Variants in HPD observed in about 807,000 individuals in gnomAD.
HPD encodes 4-hydroxyphenylpyruvic acid oxidase.
HPD carries 35 observed loss-of-function variants against 56.9 expected under a neutral mutation model. The ratio of observed to expected loss-of-function variants is 0.62; its 90% CI spans 0.47 to 0.82. The LOEUF (loss-of-function observed/expected upper bound fraction) is 0.82. Ranked by LOEUF, HPD falls within the 40% of genes least tolerant of loss-of-function variation. HPD has a pLI of 0.00. For synonymous variants in HPD, 186 were observed against 200.2 expected (o/e 0.93, Z 0.60); for missense variants, 442 against 506.8 (o/e 0.87, Z 1.23).
intron 11 of HPD, 33 bp from the exon 12 acceptor site, chr12:121,843,865 G>T (rs1263142280): frequency 6.2e-7 from 1 of 1,613,818 alleles, no homozygotes; most frequent in East Asian, 2.2e-5. Flanking sequence ...TCAGCCTTCG[G>T]CCTCCAAGTT....
chr12:121,882,760 G>A, the HPD span, among the ~76,000 whole-genome samples: 1 of 152,000 alleles, frequency 6.6e-6, no homozygotes, highest in African/African-American at 2.4e-5. Flanking sequence ...TTTTGTTTTT[G>A]AGAGGGAGTC....
At chr12:121,883,682 CT>C in the HPD span, among the ~76,000 whole-genome samples, 253 of 138,682 alleles carry the variant, frequency 1.8e-3, no homozygotes, top group Admixed American at 2.0e-3. Context: ...TTCCTTCTTT[CT>C]TTTTTTTTTT....
the HPD span, among the ~76,000 whole-genome samples, chr12:121,871,511 C>T: frequency 6.6e-6 from 1 of 152,214 alleles, no homozygotes; most frequent in Non-Finnish European, 1.5e-5. Context: ...CCTCCCCTGC[C>T]AGGCCCCACA....
chr12:121,877,523 G>C, the HPD span, among the ~76,000 whole-genome samples: 1 of 152,068 alleles, frequency 6.6e-6, no homozygotes, highest in African/African-American at 2.4e-5. Flanking sequence ...CTTGAGGCCA[G>C]GAGTTCGAGA....
At chr12:121,852,781 C>T (rs1332192662) in intron 7 of HPD, among the ~76,000 whole-genome samples, 1 of 151,754 alleles carries the variant, frequency 6.6e-6, no homozygotes, top group African/African-American at 2.4e-5. Context: ...ACTACAGGTG[C>T]ACACCACCAT....
chr12:121,849,634 T>C (rs968280021), intron 8 of HPD, 53 bp downstream of exon 8: 1 of 1,208,368 alleles, frequency 8.3e-7, no homozygotes. Context: ...GGGGCATTAC[T>C]TTTCACAGTC....
At chr12:121,876,535 C>T in the HPD span, among the ~76,000 whole-genome samples, 4 of 152,128 alleles carry the variant, frequency 2.6e-5, no homozygotes, top group African/African-American at 4.8e-5. Flanking sequence ...ATTACCATCA[C>T]GTCAGTAGCT....
chr12:121,857,118 C>G (rs959083444), intron 4 of HPD: 3 of 563,260 alleles, frequency 5.3e-6, no homozygotes, highest in Middle Eastern at 4.9e-4. Context: ...CTTGCTCTGT[C>G]GCCCAGGCTG....
the HPD span, among the ~76,000 whole-genome samples, chr12:121,872,719 T>G: frequency 1.3e-5 from 2 of 151,806 alleles, no homozygotes; most frequent in East Asian, 3.9e-4. Flanking sequence ...GCTCTGGATC[T>G]TCTGCTTGAG....
At chr12:121,843,946 G>T in intron 11 of HPD, 114 bp from the exon 12 acceptor site, 1 of 1,217,546 alleles carries the variant, frequency 8.2e-7, no homozygotes, top group Admixed American at 1.8e-5. Flanking sequence ...CCCCTCAACT[G>T]CCAGGATGCT....
the HPD span, among the ~76,000 whole-genome samples, chr12:121,881,572 G>A: frequency 2.0e-5 from 3 of 152,026 alleles, no homozygotes; most frequent in East Asian, 2.0e-4. Flanking sequence ...AAGGGGTGGG[G>A]TAAGAGACCC....
chr12:121,856,280 A>T, intron 6 of HPD, 44 bp downstream of exon 6: 2 of 1,504,068 alleles, frequency 1.3e-6, no homozygotes, highest in Non-Finnish European at 1.9e-6. Context: ...TCCCCATGGC[A>T]GACGGAGGCC....
At chr12:121,868,446 G>C (rs982160579), upstream of HPD, among the ~76,000 whole-genome samples, 1 of 151,546 alleles carries the variant, frequency 6.6e-6, no homozygotes, top group African/African-American at 2.4e-5. Context: ...TCCCGTCTCA[G>C]CCTCCCAAAG....
chr12:121,856,637 G>A lies in HPD; in HGVS notation c.199-12C>T, dbSNP rs780308275. 122 of 1,613,906 alleles carry A rather than the reference G, an allele frequency of 7.6e-5. 1 individual carries two copies. The Admixed American group carries it at 2.0e-3, about 26-fold the overall frequency. ...AGGACAAACACAATCTAAGATAGGA[G>A]GAGAAGGAGGTGAGGCTAGTGGCTC... On this transcript the variant is annotated splice_polypyrimidine_tract_variant and intron_variant, in intron 4 of 13. Transcript: ENST00000289004.
chr12:121,847,064 C>A lies in HPD; in HGVS notation c.747G>T (p.Lys249Asn). 1 of 1,614,168 alleles carries A rather than the reference C, an allele frequency of 6.2e-7. No individual in the cohort carries two copies. Among genetic ancestry groups the A allele is most frequent in the African/African-American group, 1.3e-5 (1 of 75,048 alleles). ...PINEPAPGKK[K>N]SQIQEYVDYN... ...GGGGCGGCCTCACCTGGATCTGGGACTTCTTCTTGCCAGGCGCTGGCTCAT... is the reference window on the plus strand; with the variant it reads ...GGGGCGGCCTCACCTGGATCTGGGAATTCTTCTTGCCAGGCGCTGGCTCAT... Residue 249 changes from lysine to asparagine, a missense_variant, in exon 10 of 14, where the codon AAG becomes AAT. Physicochemically the swap from Lys to Asn is moderately conservative, Grantham distance 94 (BLOSUM62 0). Transcript: ENST00000289004.
chr12:121,852,695 T>C lies in HPD; in HGVS notation c.414+2008A>G, dbSNP rs1005054151. ...TGTCGCCCAGGCTGGAGTGCAGAGG[T>C]GCAATCTTGGCTCACTGCAACCTCT... On this transcript the variant is annotated intron_variant, in intron 7 of 13. Coordinates refer to ENST00000289004, the MANE Select transcript of HPD (RefSeq NM_002150.3). Among the ~76,000 whole-genome samples, 19 of 131,152 alleles carry C rather than the reference T, an allele frequency of 1.4e-4. No individual in the cohort carries two copies. The South Asian group carries it at 4.2e-3, about 29-fold the overall frequency. The allele number at this position is 131,152 out of a possible 152,430, so 86.0% of individuals were successfully genotyped here.
upstream of HPD, among the ~76,000 whole-genome samples, chr12:121,867,249 G>A (rs957663881): frequency 2.6e-5 from 4 of 151,704 alleles, no homozygotes; most frequent in African/African-American, 9.7e-5. Flanking sequence ...TGACTCAGGA[G>A]GCTGACGCAT....
the HPD span, among the ~76,000 whole-genome samples, chr12:121,883,204 G>C: frequency 1.3e-5 from 2 of 150,022 alleles, no homozygotes; most frequent in Admixed American, 1.3e-4. Context: ...GTGTGTGTGT[G>C]TGTGTGTGTG....
chr12:121,862,917 T>A (rs1878220448), upstream of HPD, among the ~76,000 whole-genome samples: 1 of 151,180 alleles, frequency 6.6e-6, no homozygotes, highest in Non-Finnish European at 1.5e-5. Context: ...CCTGACCTCG[T>A]GATTCGCTCG....
Sources: allele counts gnomAD v4.1 joint callset (sites outside exome capture counted in the v4.1 genomes callset), GRCh38; gene constraint gnomAD v4.1.1; transcripts MANE v1.5; gene names NCBI Gene and HGNC (gene_info 2026-07-23, HGNC 2026-07-21).